The following UNC5C variants were observed in gnomAD, a reference collection of about 807,000 sequenced individuals.
The protein encoded by UNC5C is unc-5 netrin receptor C.
UNC5C carries 47 observed loss-of-function variants against 99.8 expected under a neutral mutation model. That is an observed-to-expected ratio of 0.47 (90% CI 0.37 to 0.60). The LOEUF (loss-of-function observed/expected upper bound fraction) is 0.60. Ranked by LOEUF, UNC5C falls within the 20% of genes least tolerant of loss-of-function variation. The pLI is 0.00. For missense variants in UNC5C, 1,062 were observed against 1,165.9 expected, an observed-to-expected ratio of 0.91 and a Z score of 1.30; for synonymous variants, 487 against 452.2, an observed-to-expected ratio of 1.08 and a Z score of -0.98.
At chr4:95,302,336 C>A (rs936409761) in intron 2 of UNC5C, among the ~76,000 whole-genome samples, 1 of 152,136 alleles carries the variant, frequency 6.6e-6, no homozygotes, top group Non-Finnish European at 1.5e-5. Context: ...CAAAATGTTT[C>A]TCTGTAATTG....
At chr4:95,414,922 G>C (rs909103985) in intron 1 of UNC5C, among the ~76,000 whole-genome samples, 1 of 152,134 alleles carries the variant, frequency 6.6e-6, no homozygotes, top group East Asian at 1.9e-4. Context: ...AGATTATTGT[G>C]ACCTTTCTTT....
intron 1 of UNC5C, among the ~76,000 whole-genome samples, chr4:95,467,082 A>T (rs1747805158): frequency 6.6e-6 from 1 of 152,128 alleles, no homozygotes; most frequent in South Asian, 2.1e-4. Context: ...GGACTGACAC[A>T]ACTTGGGAGC....
rs1735881963 is a variant in UNC5C at position 95,167,015 on chromosome 4, T to C, written c.*2219A>G. On this transcript the variant is annotated 3_prime_UTR_variant, in exon 16 of 16. Transcript: ENST00000453304. ...ATGTATGTATGTCCAAAACAGAAGA[T>C]ACGGAATAAAAAGCATGAAAGAAAG... 6.6e-6 allele frequency: 1 copy of C among 152,010 alleles called. No individual in the cohort carries two copies. Among genetic ancestry groups the C allele is most frequent in the Non-Finnish European group, 1.5e-5 (1 of 68,012 alleles). 9.4% of individuals were successfully genotyped at this position (152,010 alleles called of 1,614,324 possible).
chr4:95,170,846 TG>T (rs1357749610), intron 14 of UNC5C, among the ~76,000 whole-genome samples: 1 of 152,258 alleles, frequency 6.6e-6, no homozygotes, highest in Non-Finnish European at 1.5e-5. Flanking sequence ...GTTCTGCTTT[TG>T]TTGAATGAAC....
rs528348888 is a variant in UNC5C at position 95,417,149 on chromosome 4, T to C, written c.125-81518A>G. ...CATATGCTTTTCTTGCTCTTACATA[T>C]ATTTTTAATACATTTCAAAATGAGT... On this transcript the variant is annotated intron_variant, in intron 1 of 15. Coordinates refer to ENST00000453304, the MANE Select transcript of UNC5C (RefSeq NM_003728.4). Among the ~76,000 whole-genome samples the C allele has an allele frequency of 1.4e-3, 207 of 152,330 alleles. 2 individuals are homozygous for C. The highest frequency in any genetic ancestry group is 5.0e-3 in the African/African-American group (207 of 41,566).
At chr4:95,443,188 T>A (rs1209587183) in intron 1 of UNC5C, among the ~76,000 whole-genome samples, 2 of 152,212 alleles carry the variant, frequency 1.3e-5, no homozygotes, top group East Asian at 3.9e-4. Flanking sequence ...GGTTGGATAG[T>A]CTAAACAATT....
At chr4:95,429,621 C>T (rs1444367119) in intron 1 of UNC5C, among the ~76,000 whole-genome samples, 1 of 152,068 alleles carries the variant, frequency 6.6e-6, no homozygotes, top group East Asian at 1.9e-4. Context: ...TGTATACTGA[C>T]ACGAATCAGA....
chr4:95,178,998 C>T (rs1057073160), intron 14 of UNC5C, among the ~76,000 whole-genome samples: 9 of 152,152 alleles, frequency 5.9e-5, no homozygotes, highest in African/African-American at 9.7e-5. Context: ...TTAGTTCTTC[C>T]TTTACTTCCA....
intron 1 of UNC5C, among the ~76,000 whole-genome samples, chr4:95,542,390 A>G (rs1395896672): frequency 6.6e-6 from 1 of 152,144 alleles, no homozygotes; most frequent in Non-Finnish European, 1.5e-5. Flanking sequence ...ATCACTGCTC[A>G]TTGCTAATAA....
intron 7 of UNC5C, among the ~76,000 whole-genome samples, chr4:95,234,530 G>C (rs1237030064): frequency 6.6e-6 from 1 of 152,048 alleles, no homozygotes; most frequent in Non-Finnish European, 1.5e-5. Flanking sequence ...ATGTCATTTA[G>C]TGTACCACAG....
chr4:95,195,279 C>A (rs1362668060), intron 12 of UNC5C, among the ~76,000 whole-genome samples: 1 of 152,200 alleles, frequency 6.6e-6, no homozygotes, highest in Non-Finnish European at 1.5e-5. Context: ...CACAGCCAGT[C>A]ACGGCAGCCA....
intron 1 of UNC5C, among the ~76,000 whole-genome samples, chr4:95,509,665 G>C (rs924682641): frequency 2.1e-4 from 32 of 151,666 alleles, no homozygotes; most frequent in Non-Finnish European, 4.0e-4. Context: ...GTGAATTCTT[G>C]AGAGAAAAAT....
Position 95,185,168 on chromosome 4 carries a change from C to T in UNC5C, c.2165G>A (p.Gly722Glu). 1.2e-6 allele frequency: 2 copies of T among 1,612,622 alleles called. No individual in the cohort carries two copies. The highest frequency in any genetic ancestry group is 1.1e-5 in the South Asian group (1 of 90,822). The change falls in exon 13 of 16, where the codon GGA becomes GAA. Residue 722 changes from glycine (G) to glutamate (E), a missense_variant. This residue lies in a region of UNC5C where 810 missense variants were observed against 854.5 expected (regional missense o/e 0.95). Coordinates refer to ENST00000453304, the MANE Select transcript of UNC5C (RefSeq NM_003728.4). Reference protein sequence around the residue: ...KEILHLERQMGGQLLEEPKAL... With the variant: ...KEILHLERQMEGQLLEEPKAL... ...CTTAGGTTCTTCTAGGAGCTGTCCT[C>T]CCATCTGTCTCTCAAGATGTAAAAT... is the stretch of plus-strand genomic sequence containing the variant.
chr4:95,397,696 C>T (rs1328345955), intron 1 of UNC5C, among the ~76,000 whole-genome samples: 1 of 152,140 alleles, frequency 6.6e-6, no homozygotes, highest in African/African-American at 2.4e-5. Flanking sequence ...GTGGCCAATA[C>T]CATCCTTAAA....
chr4:95,499,809 T>C (rs1384020379), intron 1 of UNC5C, among the ~76,000 whole-genome samples: 8 of 152,008 alleles, frequency 5.3e-5, no homozygotes, highest in African/African-American at 1.7e-4. Flanking sequence ...TATGTGCACA[T>C]ATATAAGATG....
intron 13 of UNC5C, among the ~76,000 whole-genome samples, chr4:95,183,908 T>C (rs994257671): frequency 6.6e-6 from 1 of 152,232 alleles, no homozygotes; most frequent in Non-Finnish European, 1.5e-5. Context: ...TGGGGTTAAA[T>C]GAGCTAAACC....
intron 1 of UNC5C, among the ~76,000 whole-genome samples, chr4:95,475,536 T>C (rs1432045024): frequency 1.5e-5 from 2 of 136,732 alleles, no homozygotes; most frequent in East Asian, 4.3e-4. Context: ...GACAGACAGA[T>C]AGACAGACAG....
intron 12 of UNC5C, among the ~76,000 whole-genome samples, chr4:95,188,482 G>T (rs986011824): frequency 3.9e-5 from 6 of 152,304 alleles, no homozygotes; most frequent in African/African-American, 1.4e-4. Flanking sequence ...AGAGTTTTGT[G>T]TCAGATGATA....
chr4:95,544,478 T>A (rs1406277683), intron 1 of UNC5C, among the ~76,000 whole-genome samples: 1 of 152,200 alleles, frequency 6.6e-6, no homozygotes, highest in Non-Finnish European at 1.5e-5. Context: ...ATGTTTACTA[T>A]CTTCGGATGT....
Sources: gnomAD v4.1 joint callset for allele counts (sites outside exome capture counted in the v4.1 genomes callset) on GRCh38, gnomAD v4.1.1 for gene constraint, gnomAD v4.1.1 regional missense constraint, MANE v1.5 for transcripts, NCBI Gene and HGNC (gene_info 2026-07-23, HGNC 2026-07-21) for gene names.